The following ANGEL1 variants were observed in gnomAD, a reference collection of about 807,000 sequenced individuals.
ANGEL1 encodes RNA 2',3'-cyclic phosphatase ANGEL1.
ANGEL1 carries 62 observed loss-of-function variants against 76.4 expected under a neutral mutation model. That is an observed-to-expected ratio of 0.81 (90% confidence interval 0.66 to 1.00). The LOEUF (loss-of-function observed/expected upper bound fraction) is 1.00. Among genes scored for constraint, ANGEL1 ranks in the 50% least tolerant of loss-of-function variants. ANGEL1 has a pLI of 0.00. For missense variants in ANGEL1, 737 were observed against 836.7 expected (o/e 0.88, Z 1.47); for synonymous variants, 340 against 331.7 (o/e 1.03, Z -0.27).
chr14:76,809,582 C>T lies in ANGEL1; in HGVS notation c.126G>A (p.Glu42=), dbSNP rs1895024789. The T allele has an allele frequency of 6.2e-7, 1 of 1,614,094 alleles. No homozygotes were observed. Among genetic ancestry groups the T allele is most frequent in the Admixed American group, 1.7e-5 (1 of 60,016 alleles). ...LLANSSSPQV[E]GDFAMAPRGP... Reference sequence around the variant, plus strand: ...CCCGAGGGGCCATGGCAAAGTCGCCCTCTACCTGGGGGGATGAGCTGTTCG... The same window carrying T: ...CCCGAGGGGCCATGGCAAAGTCGCCTTCTACCTGGGGGGATGAGCTGTTCG... The change falls in exon 2 of 10, where the codon GAG becomes GAA. Residue 42 remains glutamate (E), a synonymous_variant. Transcript: ENST00000251089.
intron 1 of ANGEL1, among the ~76,000 whole-genome samples, chr14:76,811,526 C>T (rs112584112): frequency 1.1e-3 from 5 of 4,372 alleles, no homozygotes; most frequent in African/African-American, 1.5e-3. Context: ...GGTGGGGGGG[C>T]GGGGGGGGCC....
chr14:76,797,194 T>C (rs907689798), intron 7 of ANGEL1, among the ~76,000 whole-genome samples: 1 of 152,218 alleles, frequency 6.6e-6, no homozygotes, highest in Non-Finnish European at 1.5e-5. Flanking sequence ...CTCAGTTGTA[T>C]CACACAACAG....
At chr14:76,803,642 G>A in intron 6 of ANGEL1, 144 bp downstream of exon 6, 1 of 1,377,260 alleles carries the variant, frequency 7.3e-7, no homozygotes, top group Non-Finnish European at 9.9e-7. Flanking sequence ...CATTTCATTG[G>A]ACAGCCATTG....
At chr14:76,807,771 A>T in intron 3 of ANGEL1, 151 bp downstream of exon 3, 3 of 846,876 alleles carry the variant, frequency 3.5e-6, no homozygotes, top group Non-Finnish European at 5.6e-6. Context: ...GCATCTGCCA[A>T]CAACTCACTG....
At chr14:76,792,968 G>T (rs141314755) in intron 7 of ANGEL1, among the ~76,000 whole-genome samples, 9 of 152,208 alleles carry the variant, frequency 5.9e-5, no homozygotes, top group Admixed American at 5.9e-4. Flanking sequence ...TTTGTAAGAT[G>T]ACATGATCTT....
Position 76,812,775 on chromosome 14 carries a change from C to G in ANGEL1, c.53G>C (p.Arg18Pro), listed in dbSNP as rs536365907. 6.6e-7 allele frequency: 1 copy of G among 1,522,314 alleles called. No individual in the cohort carries two copies. Among genetic ancestry groups the G allele is most frequent in the Admixed American group, 2.0e-5 (1 of 49,638 alleles). The allele number at this position is 1,522,314 out of a possible 1,614,324, so 94.3% of individuals were successfully genotyped here. ...YLLLPATRLFRALSDAFFTCR... is the reference protein window; with the variant it reads ...YLLLPATRLFPALSDAFFTCR... ...CGCCTGGCCGGTACCTGAGAGGGCG[C>G]GGAAGAGGCGCGTGGCCGGCAGCAG... The change falls in exon 1 of 10, where the codon CGC (arginine) becomes CCC (proline). Residue 18 changes from arginine to proline, a missense_variant. Physicochemically the swap from Arg to Pro is moderately radical, Grantham distance 103. Coordinates refer to ENST00000251089, the MANE Select transcript of ANGEL1 (RefSeq NM_015305.4).
rs756228392 is a variant in ANGEL1, at chr14:76,807,398, GAA to G, written c.946+33_946+34del. On this transcript the variant is annotated intron_variant, in intron 4 of 9. Transcript: ENST00000251089. The stretch of plus-strand genomic sequence containing the variant: ...GAGAGAGTAGACAAGTCTGTGGAAA[GAA>G]AAGCTGGCAAGCATCCCAGGGAGCT... 62 of 1,591,806 alleles carry G rather than the reference GAA, an allele frequency of 3.9e-5. 1 individual carries two copies. Among genetic ancestry groups the G allele is most frequent in the Non-Finnish European group, 5.3e-5 (62 of 1,165,924 alleles).
At chr14:76,797,555 G>A (rs774763017) in intron 7 of ANGEL1, among the ~76,000 whole-genome samples, 7 of 152,018 alleles carry the variant, frequency 4.6e-5, no homozygotes, top group Non-Finnish European at 7.4e-5. Flanking sequence ...AGCTGAGATC[G>A]CGCCAATGCA....
chr14:76,792,297 T>A (rs1894429571), intron 7 of ANGEL1, among the ~76,000 whole-genome samples: 1 of 152,202 alleles, frequency 6.6e-6, no homozygotes, highest in South Asian at 2.1e-4. Context: ...CCAGGCTCAA[T>A]GGCTTCACTG....
chr14:76,807,879 G>C, intron 3 of ANGEL1, 43 bp downstream of exon 3: 2 of 1,601,060 alleles, frequency 1.2e-6, no homozygotes, highest in East Asian at 2.2e-5. Flanking sequence ...AACAGCCCAG[G>C]TCCAGCAACA....
intron 1 of ANGEL1, among the ~76,000 whole-genome samples, chr14:76,811,016 G>C (rs1270055341): frequency 6.6e-6 from 1 of 152,164 alleles, no homozygotes; most frequent in African/African-American, 2.4e-5. Flanking sequence ...TATCTTGTTT[G>C]GGGTCTATGT....
chr14:76,804,323 T>C (rs1182946820), intron 5 of ANGEL1: 1 of 1,109,776 alleles, frequency 9.0e-7, no homozygotes, highest in Non-Finnish European at 1.1e-6. Flanking sequence ...CTGAACCTAT[T>C]ACTGGGTAAC....
At chr14:76,800,280 C>T (rs964385285) in intron 7 of ANGEL1, among the ~76,000 whole-genome samples, 1 of 152,214 alleles carries the variant, frequency 6.6e-6, no homozygotes, top group Non-Finnish European at 1.5e-5. Flanking sequence ...CACTGAGCTA[C>T]GGCTCCCCTG....
At chr14:76,791,866 A>C (rs942010304) in intron 7 of ANGEL1, among the ~76,000 whole-genome samples, 9 of 152,134 alleles carry the variant, frequency 5.9e-5, no homozygotes, top group African/African-American at 2.2e-4. Context: ...TACATCTATA[A>C]GCACACACAC....
In ANGEL1 at chr14:76,792,111, G is replaced by A. The variant is rs569085020; in HGVS notation, c.1619-745C>T. On this transcript the variant is annotated intron_variant, in intron 7 of 9. Transcript: ENST00000251089. ...ATTTAGAAATAAAAAATAACTATAAGTGAATGCTATAAATAACTGGATACC... is the reference window on the plus strand; with the variant it reads ...ATTTAGAAATAAAAAATAACTATAAATGAATGCTATAAATAACTGGATACC... 5.3e-5 allele frequency among the ~76,000 whole-genome samples: 8 copies of A among 152,206 alleles called. No individual in the cohort carries two copies. In the South Asian group the frequency reaches 1.5e-3, roughly 28 times the overall value.
intron 9 of ANGEL1, 95 bp from the exon 10 acceptor site, chr14:76,789,483 G>T: frequency 6.9e-7 from 1 of 1,451,440 alleles, no homozygotes. Context: ...CCTTCTGCAG[G>T]CTGCATCCCC....
chr14:76,806,682 G>C lies in ANGEL1; in HGVS notation c.1114C>G (p.Pro372Ala), dbSNP rs140703941. 1.1e-4 allele frequency: 174 copies of C among 1,613,486 alleles called. No individual in the cohort carries two copies. The highest frequency in any genetic ancestry group is 1.4e-4 in the Non-Finnish European group (161 of 1,180,008). Residue 372 changes from proline (P) to alanine (A), a missense_variant, in exon 5 of 10, where the codon CCA (proline) becomes GCA (alanine). Physicochemically the swap from Pro to Ala is conservative, Grantham distance 27. Coordinates refer to ENST00000251089, the MANE Select transcript of ANGEL1 (RefSeq NM_015305.4). ...DNVGLVLLLQPLVPEGLGQVS... is the reference protein window; with the variant it reads ...DNVGLVLLLQALVPEGLGQVS... ...TGTCCCAGGCCTTCTGGGACGAGTG[G>C]TTGCAGTAGCAACACTAAGCCCACA...
At chr14:76,803,745 G>A (rs202241817) in intron 6 of ANGEL1, 41 bp downstream of exon 6, 57 of 1,567,890 alleles carry the variant, frequency 3.6e-5, no homozygotes, top group African/African-American at 2.7e-4. Context: ...CCCAAAATGG[G>A]CATGAAGACA....
chr14:76,806,133 T>C (rs1430697619), intron 5 of ANGEL1, among the ~76,000 whole-genome samples: 1 of 152,154 alleles, frequency 6.6e-6, no homozygotes, highest in Non-Finnish European at 1.5e-5. Flanking sequence ...AACAGGCCTG[T>C]GTCTTACTGT....
Sources: gnomAD v4.1 joint callset for allele counts (sites outside exome capture counted in the v4.1 genomes callset) on GRCh38, gnomAD v4.1.1 for gene constraint, MANE v1.5 for transcripts, NCBI Gene and HGNC (gene_info 2026-07-23, HGNC 2026-07-21) for gene names.